KCNQ1: variants seen among roughly 807,000 people sequenced by gnomAD.
KCNQ1 encodes the protein potassium voltage-gated channel subfamily Q member 1.
In KCNQ1, 49 loss-of-function variants were observed where a neutral mutation model predicts 72.4. The observed-to-expected ratio is 0.68, with a 90% confidence interval of 0.54 to 0.86. The LOEUF (loss-of-function observed/expected upper bound fraction) is 0.86, where lower values mean the gene tolerates loss of function less well. Among genes scored for constraint, KCNQ1 ranks in the 40% least tolerant of loss-of-function variants. The pLI is 0.00. For missense variants in KCNQ1, 790 were observed against 945.1 expected (o/e 0.84, Z 2.15); for synonymous variants, 450 against 412.6 (o/e 1.09, Z -1.10).
intron 15 of KCNQ1, among the ~76,000 whole-genome samples, chr11:2,780,647 G>A (rs1021103986): frequency 3.3e-5 from 5 of 152,222 alleles, no homozygotes; most frequent in African/African-American, 1.2e-4. Context: ...GCCATAGGAT[G>A]AGAGGTCTCC....
At chr11:2,637,334 C>T (rs1849488408) in intron 10 of KCNQ1, 1 of 152,128 alleles carries the variant, frequency 6.6e-6, no homozygotes, top group South Asian at 2.1e-4. Flanking sequence ...TATAAATTTC[C>T]CTCTACACAC....
rs1158677239 is a variant in KCNQ1, at chr11:2,748,409, G to A, written c.1515-20435G>A. 6.6e-6 allele frequency among the ~76,000 whole-genome samples: 1 copy of A among 152,172 alleles called. No homozygotes were observed. Among genetic ancestry groups the A allele is most frequent in the Non-Finnish European group, 1.5e-5 (1 of 68,024 alleles). ...TGGGTAGATGTGGTGAGGTGTGCTGGTGGGGAGGGTCCCTATCAGATGCCC... is the reference window on the plus strand; with the variant it reads ...TGGGTAGATGTGGTGAGGTGTGCTGATGGGGAGGGTCCCTATCAGATGCCC... On this transcript the variant is annotated intron_variant, in intron 11 of 15. Transcript: ENST00000155840. The surrounding 1 kb of genome is among the most constrained non-coding windows in gnomAD (Gnocchi z 6.2).
At position 2,570,620 on chromosome 11, in the gene KCNQ1, C is replaced by A; in HGVS notation, c.478-8C>A. ...GCCTGCAGTGAGCGTCCCACTCTGTCCCTGCAGGAGATCGTGCTGGTGGTG... is the reference window on the plus strand; with the variant it reads ...GCCTGCAGTGAGCGTCCCACTCTGTACCTGCAGGAGATCGTGCTGGTGGTG... On this transcript the variant is annotated splice_polypyrimidine_tract_variant and splice_region_variant and intron_variant, in intron 2 of 15. Transcript: ENST00000155840. 1 of 1,612,208 alleles carries A rather than the reference C, an allele frequency of 6.2e-7. No homozygotes were observed. The highest frequency in any genetic ancestry group is 8.5e-7 in the Non-Finnish European group (1 of 1,179,964).
Position 2,481,201 on chromosome 11 carries a change from G to A in KCNQ1, c.386+35717G>A, listed in dbSNP as rs953691851. ...TACTCCTCACCAGACATAAGAAAAT[G>A]CTTTTAGTAGATCAGTTTTTCTGAT... On this transcript the variant is annotated intron_variant, in intron 1 of 15. Transcript: ENST00000155840. The surrounding 1 kb of genome is among the most constrained non-coding windows in gnomAD (Gnocchi z 4.6). Among the ~76,000 whole-genome samples the A allele has an allele frequency of 6.6e-6, 1 of 152,166 alleles. No individual in the cohort carries two copies. The highest frequency in any genetic ancestry group is 1.5e-5 in the Non-Finnish European group (1 of 68,014).
intron 1 of KCNQ1, among the ~76,000 whole-genome samples, chr11:2,452,014 C>A (rs1199622782): frequency 6.6e-6 from 1 of 152,204 alleles, no homozygotes; most frequent in East Asian, 1.9e-4. Context: ...TGAGGACTGT[C>A]CCCTTTGAGA....
Position 2,661,707 on chromosome 11 carries a change from C to G in KCNQ1, c.1394-254C>G. The G allele has an allele frequency of 4.9e-6, 3 of 610,366 alleles. No homozygotes were observed. The allele number at this position is 610,366 out of a possible 1,614,324, so 37.8% of individuals were successfully genotyped here. A position where few individuals can be genotyped will look rare whatever the true frequency, so the allele number is the denominator to read the frequency against. ...AGAGTCTTGGACACCTGAGCACAGC[C>G]CCAGGCACAGTTACCACTCCGAAGA... is the stretch of plus-strand genomic sequence containing the variant. On this transcript the variant is annotated intron_variant, in intron 10 of 15. Transcript: ENST00000155840. This position sits in a 1 kb window ranked among gnomAD's most constrained non-coding sequence, Gnocchi z 5.9.
Position 2,645,251 on chromosome 11 carries a change from G to A in KCNQ1, c.1394-16710G>A. On this transcript the variant is annotated intron_variant, in intron 10 of 15. Transcript: ENST00000155840. This position sits in a 1 kb window ranked among gnomAD's most constrained non-coding sequence, Gnocchi z 5.8. ...GCAAATTCAAGTGAATGCCAGTTGT[G>A]GTGGTAATGGTCAGTTGGGTAGGGC... is the stretch of plus-strand genomic sequence containing the variant. 1 of 398,648 alleles carries A rather than the reference G, an allele frequency of 2.5e-6. No individual in the cohort carries two copies. Among genetic ancestry groups the A allele is most frequent in the East Asian group, 3.6e-5 (1 of 28,068 alleles). The allele number at this position is 398,648 out of a possible 1,614,324, so 24.7% of individuals were successfully genotyped here. A position where few individuals can be genotyped will look rare whatever the true frequency, so the allele number is the denominator to read the frequency against.
Position 2,700,347 on chromosome 11 carries a change from G to T in KCNQ1, c.1514+38266G>T, listed in dbSNP as rs888002676. 2.6e-5 allele frequency among the ~76,000 whole-genome samples: 4 copies of T among 152,218 alleles called. No homozygotes were observed. The East Asian group carries it at 5.8e-4, about 22-fold the overall frequency. ...CATCGCCGGGGTGAGCTGGAGACAC[G>T]GGCCAGTTCTCTGCGTGATGTGTTC... On this transcript the variant is annotated intron_variant, in intron 11 of 15. Coordinates refer to ENST00000155840, the MANE Select transcript of KCNQ1 (RefSeq NM_000218.3).
In KCNQ1 at chr11:2,848,767, C is replaced by T. The variant is rs1275730777; in HGVS notation, c.*764C>T. 2.2e-6 allele frequency: 1 copy of T among 454,120 alleles called. No individual in the cohort carries two copies. Among genetic ancestry groups the T allele is most frequent in the Non-Finnish European group, 4.4e-6 (1 of 226,774 alleles). 28.1% of individuals were successfully genotyped at this position (454,120 alleles called of 1,614,324 possible). ...CCCGCCTCCAACCCCTCGCCCAGTC[C>T]CAGCAGCCAGCCAAACACACAGAAG... On this transcript the variant is annotated 3_prime_UTR_variant, in exon 16 of 16. Transcript: ENST00000155840.
In KCNQ1 at chr11:2,464,695, A is replaced by G. The variant is rs1031841751; in HGVS notation, c.386+19211A>G. On this transcript the variant is annotated intron_variant, in intron 1 of 15. Transcript: ENST00000155840. The surrounding 1 kb of genome is among the most constrained non-coding windows in gnomAD (Gnocchi z 5.0). Reference sequence around the variant, plus strand: ...AGCTTCTCTCAGGGGCCAGGATTACATGGTCCGTGTTGGACTCTGGGATGC... The same window carrying G: ...AGCTTCTCTCAGGGGCCAGGATTACGTGGTCCGTGTTGGACTCTGGGATGC... 2.6e-5 allele frequency among the ~76,000 whole-genome samples: 4 copies of G among 152,096 alleles called. No individual in the cohort carries two copies. Among genetic ancestry groups the G allele is most frequent in the Non-Finnish European group, 1.5e-5 (1 of 67,996 alleles).
At chr11:2,743,733 G>A (rs911577785) in intron 11 of KCNQ1, among the ~76,000 whole-genome samples, 4 of 152,224 alleles carry the variant, frequency 2.6e-5, no homozygotes, top group Admixed American at 1.3e-4. Flanking sequence ...CGCCATCTAA[G>A]GCCCAACTGT....
Position 2,734,285 on chromosome 11 carries a change from G to A in KCNQ1, c.1515-34559G>A, listed in dbSNP as rs897418200. 2.0e-5 allele frequency among the ~76,000 whole-genome samples: 3 copies of A among 152,264 alleles called. No homozygotes were observed. Among genetic ancestry groups the A allele is most frequent in the African/African-American group, 7.2e-5 (3 of 41,476 alleles). ...GGCCGGAGCCCAGCTGCAGAGCAGGGCAGGGGTGGCCAAAAGGCGCCTAGA... is the reference window on the plus strand; with the variant it reads ...GGCCGGAGCCCAGCTGCAGAGCAGGACAGGGGTGGCCAAAAGGCGCCTAGA... On this transcript the variant is annotated intron_variant, in intron 11 of 15. Coordinates refer to ENST00000155840, the MANE Select transcript of KCNQ1 (RefSeq NM_000218.3). The surrounding 1 kb of genome is among the most constrained non-coding windows in gnomAD (Gnocchi z 7.0).
chr11:2,519,620 AAAAAC>A (rs143712174), intron 1 of KCNQ1, among the ~76,000 whole-genome samples: 101,999 of 150,754 alleles, frequency 0.68, 35,012 homozygotes, highest in East Asian at 0.77. Context: ...ACTCTGTCTC[AAAAAC>A]AAAACAAAAC....
chr11:2,642,559 C>G lies in KCNQ1; in HGVS notation c.1394-19402C>G, dbSNP rs918113311. 1 of 397,716 alleles carries G rather than the reference C, an allele frequency of 2.5e-6. No individual in the cohort carries two copies. The highest frequency in any genetic ancestry group is 4.4e-6 in the Non-Finnish European group (1 of 225,656). The allele number at this position is 397,716 out of a possible 1,614,324, so 24.6% of individuals were successfully genotyped here. The stretch of plus-strand genomic sequence containing the variant: ...TTGATTTTATTCATGTAGGTCTTCT[C>G]TCTTTTCTTCTTGGATAGTTTAGCC... On this transcript the variant is annotated intron_variant, in intron 10 of 15. Coordinates refer to ENST00000155840, the MANE Select transcript of KCNQ1 (RefSeq NM_000218.3). The surrounding 1 kb of genome is among the most constrained non-coding windows in gnomAD (Gnocchi z 4.3).
chr11:2,521,681 T>A, intron 1 of KCNQ1: 1 of 376,814 alleles, frequency 2.7e-6, no homozygotes, highest in Non-Finnish European at 5.6e-6. Context: ...TCCTCAACTT[T>A]ATTGGGAAAC....
At position 2,464,206 on chromosome 11, in the gene KCNQ1, T is replaced by C. The variant is rs138302894; in HGVS notation, c.386+18722T>C. On this transcript the variant is annotated intron_variant, in intron 1 of 15. Coordinates refer to ENST00000155840, the MANE Select transcript of KCNQ1 (RefSeq NM_000218.3). This position sits in a 1 kb window ranked among gnomAD's most constrained non-coding sequence, Gnocchi z 5.0. The stretch of plus-strand genomic sequence containing the variant: ...CAGGCGCTCCCTGGGCCGGAACACA[T>C]GGACGTCCAGGTGTGGAATGGCCCG... 1.3e-5 allele frequency among the ~76,000 whole-genome samples: 2 copies of C among 152,288 alleles called. No individual in the cohort carries two copies. Among genetic ancestry groups the C allele is most frequent in the East Asian group, 3.9e-4 (2 of 5,184 alleles).
At chr11:2,580,179 C>T (rs1848478135) in intron 6 of KCNQ1, among the ~76,000 whole-genome samples, 1 of 152,074 alleles carries the variant, frequency 6.6e-6, no homozygotes, top group South Asian at 2.1e-4. Context: ...CCACTGGCCT[C>T]CCCCAACTGC....
At position 2,497,210 on chromosome 11, in the gene KCNQ1, C is replaced by T. The variant is rs951705200; in HGVS notation, c.387-30718C>T. Among the ~76,000 whole-genome samples the T allele has an allele frequency of 6.6e-6, 1 of 152,112 alleles. No homozygotes were observed. The highest frequency in any genetic ancestry group is 2.4e-5 in the African/African-American group (1 of 41,418). On this transcript the variant is annotated intron_variant, in intron 1 of 15. Transcript: ENST00000155840. The surrounding 1 kb of genome is among the most constrained non-coding windows in gnomAD (Gnocchi z 4.5). ...GTATTTCCTGAATTTGAATGCTAGCCTGTCTTGCTAGGTTGGGGAAGTTCT... is the reference window on the plus strand; with the variant it reads ...GTATTTCCTGAATTTGAATGCTAGCTTGTCTTGCTAGGTTGGGGAAGTTCT...
At chr11:2,700,340 G>A (rs1850783534) in intron 11 of KCNQ1, among the ~76,000 whole-genome samples, 1 of 152,158 alleles carries the variant, frequency 6.6e-6, no homozygotes, top group South Asian at 2.1e-4. Flanking sequence ...GGGTGAGCTG[G>A]AGACACGGGC....
Sources: allele counts gnomAD v4.1 joint callset (sites outside exome capture counted in the v4.1 genomes callset), GRCh38; gene constraint gnomAD v4.1.1; non-coding constraint Gnocchi (gnomAD v3.1); transcripts MANE v1.5; gene names NCBI Gene and HGNC (gene_info 2026-07-23, HGNC 2026-07-21).